Variants in TRAP1 observed in about 807,000 individuals in gnomAD.
TRAP1 encodes the protein TNF receptor associated protein 1.
Under a neutral mutation model 89.1 loss-of-function variants are expected in TRAP1, and 102 were observed. The observed-to-expected ratio is 1.15, with a 90% CI of 0.98 to 1.35. The LOEUF is 1.35. Among genes scored for constraint, TRAP1 ranks in the 40% most tolerant of loss-of-function variants. The probability of loss-of-function intolerance (pLI) is 0.00; values close to 1 mark genes in which losing one functional copy is unlikely to be tolerated. For missense variants in TRAP1, 1,256 were observed against 945.3 expected (o/e 1.33, Z -4.31); for synonymous variants, 508 against 388.0 (o/e 1.31, Z -3.64).
At position 3,717,492 on chromosome 16, in the gene TRAP1, C is replaced by T; in HGVS notation, c.17G>A (p.Arg6Gln). 2 of 1,344,410 alleles carry T rather than the reference C, an allele frequency of 1.5e-6. No homozygotes were observed. The highest frequency in any genetic ancestry group is 1.9e-6 in the Non-Finnish European group (2 of 1,050,718). The allele number at this position is 1,344,410 out of a possible 1,614,324, so 83.3% of individuals were successfully genotyped here. ...GCGGCGGCCCCACAGCAGCAGCGCCCGCAGCTCGCGCGCCATGTCGTACTC... is the reference window on the plus strand; with the variant it reads ...GCGGCGGCCCCACAGCAGCAGCGCCTGCAGCTCGCGCGCCATGTCGTACTC... MAREL[R>Q]ALLLWGRRLR... Residue 6 changes from arginine to glutamine, a missense_variant, in exon 1 of 18, where the codon CGG (arginine) becomes CAG (glutamine). Arg to Gln is a conservative substitution (Grantham distance 43). Transcript: ENST00000246957.
chr16:3,707,813 C>G (rs183493697), intron 1 of TRAP1, among the ~76,000 whole-genome samples: 1 of 150,082 alleles, frequency 6.7e-6, no homozygotes, highest in Non-Finnish European at 1.5e-5. Context: ...AAGATCGTGC[C>G]ACTGCACTCC....
At chr16:3,675,893 C>T in intron 7 of TRAP1, 143 bp downstream of exon 7, 1 of 708,476 alleles carries the variant, frequency 1.4e-6, no homozygotes, top group East Asian at 2.8e-5. Flanking sequence ...AGCCCCCCTC[C>T]CAGTCCCGCA....
intron 14 of TRAP1, 187 bp from the exon 15 acceptor site, chr16:3,663,154 A>G (rs950245143): frequency 1.5e-6 from 1 of 661,122 alleles, no homozygotes; most frequent in South Asian, 1.9e-5. Flanking sequence ...GGCCCATACA[A>G]CTTGGTTAGG....
chr16:3,713,027 A>C (rs1333885195), intron 1 of TRAP1, among the ~76,000 whole-genome samples: 4 of 152,216 alleles, frequency 2.6e-5, no homozygotes, highest in Non-Finnish European at 5.9e-5. Flanking sequence ...CTGCCGTCTA[A>C]GTGCCAGCAC....
chr16:3,667,693 C>G (rs915826098), intron 11 of TRAP1, among the ~76,000 whole-genome samples: 2 of 150,586 alleles, frequency 1.3e-5, no homozygotes, highest in African/African-American at 4.9e-5. Flanking sequence ...ATTATAAACT[C>G]TTGAATAAAA....
At chr16:3,668,818 C>T (rs1236627996) in intron 11 of TRAP1, among the ~76,000 whole-genome samples, 2 of 152,200 alleles carry the variant, frequency 1.3e-5, no homozygotes, top group African/African-American at 4.8e-5. Flanking sequence ...CACGGCTCCC[C>T]TCACAGGATG....
At chr16:3,705,972 C>A (rs974044952) in intron 1 of TRAP1, among the ~76,000 whole-genome samples, 2 of 151,000 alleles carry the variant, frequency 1.3e-5, no homozygotes, top group East Asian at 1.9e-4. Context: ...GGATTACAGG[C>A]GTGAGCCACC....
chr16:3,710,879 A>ATATATTTTTTTTT (rs71133652), intron 1 of TRAP1, among the ~76,000 whole-genome samples: 4 of 125,802 alleles, frequency 3.2e-5, no homozygotes, highest in East Asian at 2.4e-4. Flanking sequence ...ATATATATAT[A>ATATATTTTTTTTT]TTTTTTTTTT....
chr16:3,671,845 A>G, intron 10 of TRAP1, 54 bp from the exon 11 acceptor site: 3 of 1,568,880 alleles, frequency 1.9e-6, no homozygotes, highest in Non-Finnish European at 2.6e-6. Context: ...CACACCACCC[A>G]ACATTCCCCA....
chr16:3,711,929 G>T (rs908404125), intron 1 of TRAP1, among the ~76,000 whole-genome samples: 4 of 152,066 alleles, frequency 2.6e-5, no homozygotes, highest in Non-Finnish European at 4.4e-5. Context: ...AACATTCTCT[G>T]GCTTTGAACC....
chr16:3,677,358 C>T (rs1596717203), intron 6 of TRAP1, 140 bp downstream of exon 6: 1 of 1,194,896 alleles, frequency 8.4e-7, no homozygotes, highest in East Asian at 2.5e-5. Context: ...CACTAACTCC[C>T]CAAAATGGGA....
chr16:3,685,733 C>G (rs1567235364), intron 4 of TRAP1, among the ~76,000 whole-genome samples: 1 of 152,030 alleles, frequency 6.6e-6, no homozygotes, highest in Non-Finnish European at 1.5e-5. Context: ...ATACCAAAAC[C>G]CTGTGTGGCC....
intron 1 of TRAP1, among the ~76,000 whole-genome samples, chr16:3,715,461 G>C (rs887236479): frequency 2.6e-5 from 4 of 151,976 alleles, no homozygotes; most frequent in Non-Finnish European, 4.4e-5. Flanking sequence ...AAGAAAAAGA[G>C]ATAAAGAAAC....
chr16:3,681,945 A>G (rs557983416), intron 4 of TRAP1, among the ~76,000 whole-genome samples: 2 of 152,336 alleles, frequency 1.3e-5, no homozygotes, highest in South Asian at 4.1e-4. Context: ...TAAAATACCT[A>G]ATTTTAAGAC....
In TRAP1 at chr16:3,680,048, G is replaced by C. The variant is rs559353530; in HGVS notation, c.472-258C>G. 12 of 387,182 alleles carry C rather than the reference G, an allele frequency of 3.1e-5. No homozygotes were observed. In the East Asian group the frequency reaches 4.1e-4, roughly 13 times the overall value. The allele number at this position is 387,182 out of a possible 1,614,324, so 24.0% of individuals were successfully genotyped here. A position where few individuals can be genotyped will look rare whatever the true frequency, so the allele number is the denominator to read the frequency against. On this transcript the variant is annotated intron_variant, in intron 4 of 17. Transcript: ENST00000246957. ...AGTTCAAGACCAGCCTGGCCAACATGGTAAAACCCCATCTCTACTAAAAAA... is the reference window on the plus strand; with the variant it reads ...AGTTCAAGACCAGCCTGGCCAACATCGTAAAACCCCATCTCTACTAAAAAA...
chr16:3,668,654 C>T (rs1250551733), intron 11 of TRAP1, among the ~76,000 whole-genome samples: 3 of 152,162 alleles, frequency 2.0e-5, no homozygotes, highest in Non-Finnish European at 4.4e-5. Context: ...GACAACGCAA[C>T]CTTTGACAAC....
At chr16:3,704,590 A>C (rs576760441) in intron 1 of TRAP1, among the ~76,000 whole-genome samples, 1 of 152,330 alleles carries the variant, frequency 6.6e-6, no homozygotes, top group East Asian at 1.9e-4. Flanking sequence ...TCACACCTGT[A>C]ATCCCAGCAC....
At chr16:3,662,227 G>A in intron 15 of TRAP1, 95 bp from the exon 16 acceptor site, 1 of 1,464,424 alleles carries the variant, frequency 6.8e-7, no homozygotes, top group Non-Finnish European at 9.2e-7. Context: ...CAGACCACGA[G>A]GTAGCAGGCG....
chr16:3,670,487 G>C (rs1435257790), intron 11 of TRAP1, among the ~76,000 whole-genome samples: 1 of 151,200 alleles, frequency 6.6e-6, no homozygotes, highest in African/African-American at 2.4e-5. Flanking sequence ...GATCGCTTGA[G>C]CCCAGGAGTT....
Sources: gnomAD v4.1 joint callset for allele counts (sites outside exome capture counted in the v4.1 genomes callset) on GRCh38, gnomAD v4.1.1 for gene constraint, MANE v1.5 for transcripts, NCBI Gene and HGNC (gene_info 2026-07-23, HGNC 2026-07-21) for gene names.